MCAM: variants seen among roughly 807,000 people sequenced by gnomAD.
The protein encoded by MCAM is melanoma cell adhesion molecule, also known as cell surface glycoprotein MUC18.
MCAM carries 55 observed loss-of-function variants against 79.1 expected under a neutral mutation model. The ratio of observed to expected loss-of-function variants is 0.70; its 90% CI spans 0.56 to 0.87. The LOEUF (loss-of-function observed/expected upper bound fraction) is 0.87. Ranked by LOEUF, MCAM falls within the 40% of genes least tolerant of loss-of-function variation. MCAM has a pLI of 0.00. For synonymous variants in MCAM, 330 were observed against 339.8 expected (o/e 0.97, Z 0.32); for missense variants, 745 against 839.8 (o/e 0.89, Z 1.40).
chr11:119,309,670 G>A lies in MCAM; in HGVS notation c.*216C>T, dbSNP rs535274031. On this transcript the variant is annotated 3_prime_UTR_variant, in exon 16 of 16. Transcript: ENST00000264036. ...TTGCTTGGGATGAGCTTCACTCAAC[G>A]TGGAGGAGATGGTGGTGGACTGGTC... is the stretch of plus-strand genomic sequence containing the variant. 22 of 435,528 alleles carry A rather than the reference G, an allele frequency of 5.1e-5. No homozygotes were observed. The highest frequency in any genetic ancestry group is 2.2e-4 in the African/African-American group (4 of 18,050). The allele number at this position is 435,528 out of a possible 1,614,324, so 27.0% of individuals were successfully genotyped here.
At chr11:119,310,058 G>A in intron 15 of MCAM, 143 bp from the exon 16 acceptor site, 1 of 730,640 alleles carries the variant, frequency 1.4e-6, no homozygotes, top group South Asian at 1.7e-5. Flanking sequence ...GGGCATGGCA[G>A]GCCAGGGAAG....
Position 119,314,889 on chromosome 11 carries a change from A to G in MCAM, c.344T>C (p.Leu115Ser). ...QVTPQDERIF[L>S]CQGKRPRSQE... ...GGACCGAGGGCGCTTGCCCTGGCAC[A>G]AGAAGATGCGCTCGTCTTGGGGGGT... is the stretch of plus-strand genomic sequence containing the variant. The change falls in exon 3 of 16, where the codon TTG (leucine) becomes TCG (serine). Residue 115 changes from leucine to serine, a missense_variant. Leu to Ser is a moderately radical substitution (Grantham distance 145). Transcript: ENST00000264036. 1.2e-6 allele frequency: 2 copies of G among 1,613,512 alleles called. No homozygotes were observed. Among genetic ancestry groups the G allele is most frequent in the South Asian group, 1.1e-5 (1 of 91,092 alleles).
chr11:119,316,422 A>G lies in MCAM; in HGVS notation c.67+613T>C, dbSNP rs897904667. Reference sequence around the variant, plus strand: ...CCAAAATAAGCCAGCGGGCGCTTCCAGTATGGGAATCCTCCATCCCTCATC... The same window carrying G: ...CCAAAATAAGCCAGCGGGCGCTTCCGGTATGGGAATCCTCCATCCCTCATC... On this transcript the variant is annotated intron_variant, in intron 1 of 15. Transcript: ENST00000264036. The surrounding 1 kb of genome is among the most constrained non-coding windows in gnomAD (Gnocchi z 4.8). 3 of 152,272 alleles carry G rather than the reference A, an allele frequency of 2.0e-5. No individual in the cohort carries two copies. The highest frequency in any genetic ancestry group is 4.4e-5 in the Non-Finnish European group (3 of 68,108). The allele number at this position is 152,272 out of a possible 1,614,324, so 9.4% of individuals were successfully genotyped here.
rs907682863 is a variant in MCAM at position 119,315,552 on chromosome 11, G to T, written c.68-289C>A. On this transcript the variant is annotated intron_variant, in intron 1 of 15. Transcript: ENST00000264036. This position sits in a 1 kb window ranked among gnomAD's most constrained non-coding sequence, Gnocchi z 4.4. ...GGCAGAAAGGGGCAACCTAGGCTCG[G>T]GGCCAAGAGGAAGGCCCCTTTCCTT... 93 of 422,572 alleles carry T rather than the reference G, an allele frequency of 2.2e-4. No individual in the cohort carries two copies. The highest frequency in any genetic ancestry group is 3.7e-4 in the Non-Finnish European group (85 of 227,026). 26.2% of individuals were successfully genotyped at this position (422,572 alleles called of 1,614,324 possible). A position where few individuals can be genotyped will look rare whatever the true frequency, so the allele number is the denominator to read the frequency against.
chr11:119,312,826 C>T lies in MCAM; in HGVS notation c.683G>A (p.Arg228Gln), dbSNP rs746532377. The change falls in exon 6 of 16, where the codon CGG (arginine) becomes CAG (glutamine). Residue 228 changes from arginine to glutamine, a missense_variant. Arg to Gln is a conservative substitution (Grantham distance 43, BLOSUM62 1). Transcript: ENST00000264036. This position sits in a 1 kb window ranked among gnomAD's most constrained non-coding sequence, Gnocchi z 4.9. The part of the protein sequence containing the change: ...DAQFYCELNY[R>Q]LPSGNHMKES... Reference sequence around the variant, plus strand: ...CTTCATGTGGTTCCCACTGGGCAGCCGGTAGTTGAGCTCACAGTAAAACTG... The same window carrying T: ...CTTCATGTGGTTCCCACTGGGCAGCTGGTAGTTGAGCTCACAGTAAAACTG... The T allele has an allele frequency of 2.2e-5, 36 of 1,614,054 alleles. No homozygotes were observed. The highest frequency in any genetic ancestry group is 1.0e-4 in the Admixed American group (6 of 59,998).
rs374265729 is a variant in MCAM at position 119,312,439 on chromosome 11, T to G, written c.862-11A>C. On this transcript the variant is annotated splice_polypyrimidine_tract_variant and intron_variant, in intron 7 of 15. Coordinates refer to ENST00000264036, the MANE Select transcript of MCAM (RefSeq NM_006500.3). This position sits in a 1 kb window ranked among gnomAD's most constrained non-coding sequence, Gnocchi z 4.9. Reference sequence around the variant, plus strand: ...CCTGGTGCTGGGGTTCTAGGGAGGATTGGGGAGGTGAGCAGAGTGCACCTC... The same window carrying G: ...CCTGGTGCTGGGGTTCTAGGGAGGAGTGGGGAGGTGAGCAGAGTGCACCTC... 1 of 1,613,476 alleles carries G rather than the reference T, an allele frequency of 6.2e-7. No homozygotes were observed. The highest frequency in any genetic ancestry group is 8.5e-7 in the Non-Finnish European group (1 of 1,179,830).
chr11:119,312,155 C>A lies in MCAM; in HGVS notation c.1040G>T (p.Arg347Leu). 6.2e-7 allele frequency: 1 copy of A among 1,612,730 alleles called. No homozygotes were observed. The highest frequency in any genetic ancestry group is 1.1e-5 in the South Asian group (1 of 90,834). ...TCTCTCAGGGGCTGCGGGACTCACT[C>A]GGACGTCAGACACATCTGGGGGTAC... ...ELLVNYVSDV[R>L]VSPAAPERQE... The change falls in exon 9 of 16, where the codon CGA becomes CTA. Residue 347 changes from arginine (R) to leucine (L), a missense_variant. Physicochemically the swap from Arg to Leu is moderately radical, Grantham distance 102 (BLOSUM62 -2). Transcript: ENST00000264036. This position sits in a 1 kb window ranked among gnomAD's most constrained non-coding sequence, Gnocchi z 4.9.
Position 119,314,986 on chromosome 11 carries a change from T to TCTGGCG in MCAM, c.246_247insCGCCAG (p.Gln82_Ser83insArgGln). 1.2e-6 allele frequency: 2 copies of TCTGGCG among 1,610,828 alleles called. No homozygotes were observed. The highest frequency in any genetic ancestry group is 1.7e-6 in the Non-Finnish European group (2 of 1,179,986). ...CGCTGCTCGTACTCCCCAGGTTCGC[T>TCTGGCG]CTGGCCCTGGCCCTGGCGCACACGG... On this transcript the variant is annotated inframe_insertion, in exon 3 of 16. Transcript: ENST00000264036.
Position 119,314,896 on chromosome 11 carries a change from T to C in MCAM, c.337A>G (p.Ile113Val), listed in dbSNP as rs754941729. ...LTQVTPQDER[I>V]FLCQGKRPRS... The stretch of plus-strand genomic sequence containing the variant: ...GGGCGCTTGCCCTGGCACAAGAAGA[T>C]GCGCTCGTCTTGGGGGGTGACTTGA... The change falls in exon 3 of 16, where the codon ATC becomes GTC. Residue 113 changes from isoleucine to valine, a missense_variant. Coordinates refer to ENST00000264036, the MANE Select transcript of MCAM (RefSeq NM_006500.3). The C allele has an allele frequency of 7.4e-6, 12 of 1,613,324 alleles. No homozygotes were observed.
At chr11:119,310,650 C>G (rs868564753) in intron 14 of MCAM, 106 bp downstream of exon 14, 2 of 1,327,210 alleles carry the variant, frequency 1.5e-6, no homozygotes, top group African/African-American at 1.4e-5. Context: ...AGGCAGCACC[C>G]TGACCCAGGG....
rs1327768967 is a variant in MCAM at position 119,315,088 on chromosome 11, G to A, written c.193-48C>T. On this transcript the variant is annotated intron_variant, in intron 2 of 15. Transcript: ENST00000264036. This position sits in a 1 kb window ranked among gnomAD's most constrained non-coding sequence, Gnocchi z 4.4. ...AGGAGAAGGGTCCTGGGCTACAAGAGGGGCAGAGTCTCCCTCCCCGGGCTG... is the reference window on the plus strand; with the variant it reads ...AGGAGAAGGGTCCTGGGCTACAAGAAGGGCAGAGTCTCCCTCCCCGGGCTG... 2 of 1,611,542 alleles carry A rather than the reference G, an allele frequency of 1.2e-6. No homozygotes were observed. Among genetic ancestry groups the A allele is most frequent in the Non-Finnish European group, 1.7e-6 (2 of 1,179,730 alleles).
chr11:119,309,989 G>T, intron 15 of MCAM, 74 bp from the exon 16 acceptor site: 1 of 1,266,614 alleles, frequency 7.9e-7, no homozygotes, highest in Non-Finnish European at 1.1e-6. Context: ...CGAGAGGAAG[G>T]AGAGATGGAA....
At chr11:119,313,867 G>T in intron 5 of MCAM, 1 of 760,338 alleles carries the variant, frequency 1.3e-6, no homozygotes, top group African/African-American at 1.9e-5. Context: ...TAGGAGGAGG[G>T]GGTACAAAAT....
chr11:119,313,522 C>A, intron 5 of MCAM: 1 of 353,262 alleles, frequency 2.8e-6, no homozygotes, highest in South Asian at 2.4e-5. Context: ...CTGCCTCAGC[C>A]TCCTGAGTAG....
Position 119,315,264 on chromosome 11 carries a change from C to G in MCAM, c.68-1G>C, listed in dbSNP as rs1950295450. The G allele has an allele frequency of 2.5e-6, 4 of 1,607,730 alleles. No homozygotes were observed. Among genetic ancestry groups the G allele is most frequent in the Non-Finnish European group, 3.4e-6 (4 of 1,179,022 alleles). ...GGCTGCTCAGCCTCTCCGGGCACAC[C>G]TGGGGGAGGGAGGCGGGGCCCCCGC... On this transcript the variant is annotated splice_acceptor_variant, in intron 1 of 15. Coordinates refer to ENST00000264036, the MANE Select transcript of MCAM (RefSeq NM_006500.3). LOFTEE classifies it high-confidence loss of function. This position sits in a 1 kb window ranked among gnomAD's most constrained non-coding sequence, Gnocchi z 4.4.
In MCAM at chr11:119,314,971, A is replaced by T; in HGVS notation, c.262T>A (p.Tyr88Asn). 2 of 1,611,474 alleles carry T rather than the reference A, an allele frequency of 1.2e-6. No individual in the cohort carries two copies. Among genetic ancestry groups the T allele is most frequent in the South Asian group, 2.2e-5 (2 of 91,060 alleles). ...TCCTGGAGGCTGAGCCGCTGCTCGT[A>T]CTCCCCAGGTTCGCTCTGGCCCTGG... is the stretch of plus-strand genomic sequence containing the variant. ...QGQGQSEPGEYEQRLSLQDRG... is the reference protein window; with the variant it reads ...QGQGQSEPGENEQRLSLQDRG... Residue 88 changes from tyrosine to asparagine, a missense_variant, in exon 3 of 16, where the codon TAC (tyrosine) becomes AAC (asparagine). Physicochemically the swap from Tyr to Asn is moderately radical, Grantham distance 143. Transcript: ENST00000264036.
intron 5 of MCAM, chr11:119,313,851 A>G: frequency 1.6e-6 from 1 of 635,050 alleles, no homozygotes; most frequent in Non-Finnish European, 2.0e-6. Context: ...ATTGCCAAGT[A>G]TCTCCTAGGA....
rs747992430 is a variant in MCAM at position 119,314,898 on chromosome 11, C to A, written c.335G>T (p.Arg112Leu). ...GCGCTTGCCCTGGCACAAGAAGATG[C>A]GCTCGTCTTGGGGGGTGACTTGAGT... ...ALTQVTPQDE[R>L]IFLCQGKRPR... The change falls in exon 3 of 16, where the codon CGC (arginine) becomes CTC (leucine). Residue 112 changes from arginine (R) to leucine (L), a missense_variant. Transcript: ENST00000264036. 1.2e-6 allele frequency: 2 copies of A among 1,613,414 alleles called. No homozygotes were observed. Among genetic ancestry groups the A allele is most frequent in the South Asian group, 1.1e-5 (1 of 91,090 alleles).
chr11:119,310,304 T>C (rs1456141023), intron 15 of MCAM, 45 bp downstream of exon 15: 9 of 1,254,628 alleles, frequency 7.2e-6, no homozygotes, highest in Non-Finnish European at 1.1e-5. Context: ...CTGCCCCCGG[T>C]CCCTGAGGAT....
Sources: allele counts gnomAD v4.1 joint callset, GRCh38; gene constraint gnomAD v4.1.1; non-coding constraint Gnocchi (gnomAD v3.1); transcripts MANE v1.5; gene names NCBI Gene and HGNC (gene_info 2026-07-23, HGNC 2026-07-21).